ARHGAP6: variants seen among roughly 807,000 people sequenced by gnomAD.
The protein encoded by ARHGAP6 is Rho GTPase activating protein 6, also known as rho GTPase-activating protein 6.
Under a neutral mutation model 55.7 loss-of-function variants are expected in ARHGAP6, and 16 were observed. The ratio of observed to expected loss-of-function variants is 0.29; its 90% CI spans 0.19 to 0.44. The LOEUF (loss-of-function observed/expected upper bound fraction) is 0.44, where lower values mean the gene tolerates loss of function less well. Among genes scored for constraint, ARHGAP6 ranks in the 20% least tolerant of loss-of-function variants. ARHGAP6 has a pLI of 1.00. For synonymous variants in ARHGAP6, 382 were observed against 360.9 expected (o/e 1.06, Z -0.66); for missense variants, 698 against 808.9 (o/e 0.86, Z 1.66).
chrX:11,181,853 A>AT (rs2147335488), intron 6 of ARHGAP6, among the ~76,000 whole-genome samples: 1 of 110,475 alleles, frequency 9.1e-6, no homozygotes, highest in African/African-American at 3.3e-5. Context: ...ACATCCAGAC[A>AT]TTTTGCTTTC....
intron 1 of ARHGAP6, chrX:11,294,698 T>C (rs2048051780): frequency 1.0e-6 from 1 of 999,497 alleles, no homozygotes; most frequent in South Asian, 1.9e-5. Flanking sequence ...CTAATGTAGA[T>C]TATGTGTGTT....
intron 1 of ARHGAP6, among the ~76,000 whole-genome samples, chrX:11,609,902 T>C (rs1011180743): frequency 1.8e-5 from 2 of 112,019 alleles, no homozygotes; most frequent in Non-Finnish European, 3.8e-5. Context: ...AACCCAGTGT[T>C]CCTCCTCTCC....
chrX:11,212,633 A>G (rs187515873), intron 2 of ARHGAP6, among the ~76,000 whole-genome samples: 6 of 112,191 alleles, frequency 5.3e-5, no homozygotes, highest in Non-Finnish European at 1.9e-5. Flanking sequence ...TTTCCCAGCT[A>G]GGAGAGAACT....
At chrX:11,663,657 TTTC>T (rs1468222137) in intron 1 of ARHGAP6, among the ~76,000 whole-genome samples, 8 of 111,691 alleles carry the variant, frequency 7.2e-5, no homozygotes, top group African/African-American at 2.6e-4. Flanking sequence ...ACACAGAGAT[TTTC>T]TTCTTCTCCT....
chrX:11,561,860 A>G (rs1025609134), intron 1 of ARHGAP6, among the ~76,000 whole-genome samples: 1 of 112,212 alleles, frequency 8.9e-6, no homozygotes, highest in African/African-American at 3.2e-5. Context: ...ATGAACACCA[A>G]GGATGCAACA....
intron 1 of ARHGAP6, among the ~76,000 whole-genome samples, chrX:11,414,720 T>A (rs1187454150): frequency 8.9e-6 from 1 of 112,022 alleles, no homozygotes; most frequent in African/African-American, 3.2e-5. Context: ...AATTAATAAT[T>A]TAATTGCCAA....
chrX:11,520,689 G>T (rs969048060), intron 1 of ARHGAP6, among the ~76,000 whole-genome samples: 2 of 111,297 alleles, frequency 1.8e-5, no homozygotes, highest in Non-Finnish European at 3.8e-5. Context: ...TAATGCAATG[G>T]CTGGGTTAAA....
At chrX:11,527,749 A>T (rs964405584) in intron 1 of ARHGAP6, among the ~76,000 whole-genome samples, 3 of 112,632 alleles carry the variant, frequency 2.7e-5, no homozygotes, top group Non-Finnish European at 5.6e-5. Flanking sequence ...GTTAAATTTG[A>T]CTTTCAGATA....
At chrX:11,653,153 G>A (rs866883962) in intron 1 of ARHGAP6, among the ~76,000 whole-genome samples, 9 of 111,948 alleles carry the variant, frequency 8.0e-5, no homozygotes, top group African/African-American at 2.3e-4. Context: ...AACAGGGCTC[G>A]ACTAAGAACT....
chrX:11,634,295 A>G (rs2147179048), intron 1 of ARHGAP6, among the ~76,000 whole-genome samples: 1 of 111,901 alleles, frequency 8.9e-6, no homozygotes, highest in Non-Finnish European at 1.9e-5. Context: ...AAAAATTAAA[A>G]TCACAAAGAG....
At chrX:11,169,212 T>A (rs745308644) in intron 9 of ARHGAP6, 81 of 222,089 alleles carry the variant, frequency 3.6e-4, no homozygotes, top group African/African-American at 2.2e-3. Context: ...GTTTTATTAA[T>A]GTCTTGAGCA....
At chrX:11,637,077 G>A (rs1362460485) in intron 1 of ARHGAP6, among the ~76,000 whole-genome samples, 2 of 111,513 alleles carry the variant, frequency 1.8e-5, no homozygotes, top group African/African-American at 6.5e-5. Context: ...CTTCAATGTA[G>A]TACTTTATTT....
At chrX:11,465,034 C>G (rs2050280083) in intron 1 of ARHGAP6, among the ~76,000 whole-genome samples, 1 of 112,042 alleles carries the variant, frequency 8.9e-6, no homozygotes, top group African/African-American at 3.2e-5. Context: ...ACGCATCACT[C>G]ATTACTCACT....
intron 1 of ARHGAP6, among the ~76,000 whole-genome samples, chrX:11,264,836 T>C (rs1472579789): frequency 8.9e-6 from 1 of 112,116 alleles, no homozygotes; most frequent in African/African-American, 3.2e-5. Context: ...CTTTTATTTA[T>C]ATTATCTCAT....
chrX:11,318,033 T>C (rs768321565), intron 1 of ARHGAP6, among the ~76,000 whole-genome samples: 2 of 112,330 alleles, frequency 1.8e-5, no homozygotes, highest in East Asian at 5.6e-4. Flanking sequence ...AGGAAATATT[T>C]TCTTATAGCC....
chrX:11,310,125 C>G (rs1202301725), intron 1 of ARHGAP6, among the ~76,000 whole-genome samples: 1 of 92,325 alleles, frequency 1.1e-5, no homozygotes, highest in Non-Finnish European at 2.1e-5. Context: ...TGTGCCACTG[C>G]ATTCCAACCT....
At chrX:11,612,065 A>C (rs2052108719) in intron 1 of ARHGAP6, among the ~76,000 whole-genome samples, 1 of 112,189 alleles carries the variant, frequency 8.9e-6, no homozygotes, top group African/African-American at 3.2e-5. Flanking sequence ...ATTCACCTCA[A>C]ATTAGCTTAA....
intron 1 of ARHGAP6, among the ~76,000 whole-genome samples, chrX:11,615,614 A>C (rs978681327): frequency 5.4e-5 from 6 of 112,064 alleles, no homozygotes; most frequent in Non-Finnish European, 1.9e-5. Flanking sequence ...AAAACAAAAC[A>C]CCTAAAACAT....
At chrX:11,535,373 T>C (rs780627720) in intron 1 of ARHGAP6, among the ~76,000 whole-genome samples, 2 of 112,135 alleles carry the variant, frequency 1.8e-5, no homozygotes, top group African/African-American at 6.5e-5. Context: ...AAATCTTGCA[T>C]GGAATGAGTC....
Sources: gnomAD v4.1 joint callset for allele counts (sites outside exome capture counted in the v4.1 genomes callset) on GRCh38, gnomAD v4.1.1 for gene constraint, MANE v1.5 for transcripts, NCBI Gene and HGNC (gene_info 2026-07-23, HGNC 2026-07-21) for gene names.